Variants in PKP1 observed in about 807,000 individuals in gnomAD.
The protein encoded by PKP1 is plakophilin 1.
Under a neutral mutation model 76.4 loss-of-function variants are expected in PKP1, and 27 were observed. The observed-to-expected ratio is 0.35, with a 90% confidence interval of 0.26 to 0.49. PKP1 has a LOEUF of 0.49. Among genes scored for constraint, PKP1 ranks in the 20% least tolerant of loss-of-function variants. PKP1 has a pLI of 0.99. For missense variants in PKP1, 964 were observed against 955.2 expected (o/e 1.01, Z -0.12); for synonymous variants, 404 against 384.2 (o/e 1.05, Z -0.60).
chr1:201,322,985 AC>A (rs754383213), intron 8 of PKP1, 27 bp from the exon 9 acceptor site: 12 of 1,609,994 alleles, frequency 7.5e-6, no homozygotes, highest in Admixed American at 1.7e-5. Flanking sequence ...CTCCCCATTG[AC>A]CCCCCTGACC....
At chr1:201,329,335 A>T (rs561447593) in intron 13 of PKP1, among the ~76,000 whole-genome samples, 40 of 152,298 alleles carry the variant, frequency 2.6e-4, no homozygotes, top group African/African-American at 9.4e-4. Flanking sequence ...GGCCCCCAAA[A>T]CTCAGAACCA....
At chr1:201,318,588 C>T (rs1331085534) in intron 5 of PKP1, 30 bp from the exon 6 acceptor site, 2 of 1,609,624 alleles carry the variant, frequency 1.2e-6, no homozygotes, top group Non-Finnish European at 1.7e-6. Context: ...GAGCCTGGCA[C>T]AAATTGGGTT....
intron 5 of PKP1, 67 bp from the exon 6 acceptor site, chr1:201,318,551 C>A: frequency 7.0e-7 from 1 of 1,419,082 alleles, no homozygotes; most frequent in Admixed American, 1.7e-5. Flanking sequence ...CAGGCTGGGG[C>A]TGTTACCTCG....
chr1:201,323,250 C>T, intron 9 of PKP1, 61 bp downstream of exon 9: 1 of 1,503,802 alleles, frequency 6.6e-7, no homozygotes. Context: ...CGTCCAGCCT[C>T]TGCTCCCTCC....
chr1:201,329,696 G>T (rs913958661), intron 13 of PKP1, among the ~76,000 whole-genome samples: 1 of 152,154 alleles, frequency 6.6e-6, no homozygotes, highest in African/African-American at 2.4e-5. Flanking sequence ...TCCCTGGTGG[G>T]GAGAGAGGAC....
intron 2 of PKP1, among the ~76,000 whole-genome samples, chr1:201,300,088 AG>A (rs142486163): frequency 0.013 from 1,933 of 152,342 alleles, 14 homozygotes; most frequent in Non-Finnish European, 0.021. Context: ...GGGAGATAGG[AG>A]AGTCCTACAA....
At chr1:201,303,850 CAGG>C (rs1367693182) in intron 2 of PKP1, among the ~76,000 whole-genome samples, 1 of 152,150 alleles carries the variant, frequency 6.6e-6, no homozygotes, top group Non-Finnish European at 1.5e-5. Context: ...GCTAATGGCT[CAGG>C]ATAATTTTCC....
Position 201,306,890 on chromosome 1 carries a change from T to C in PKP1, c.307-6276T>C, listed in dbSNP as rs149293927. On this transcript the variant is annotated intron_variant, in intron 2 of 13. Transcript: ENST00000367324. ...GTAGAGATGGGGTTTCATCGTGGTC[T>C]CGATCTCCTGACCTCGTGATCCGCC... Among the ~76,000 whole-genome samples the C allele has an allele frequency of 3.3e-3, 506 of 152,256 alleles. 6 individuals carry two copies. The highest frequency in any genetic ancestry group is 0.012 in the African/African-American group (499 of 41,562).
chr1:201,317,720 G>A lies in PKP1; in HGVS notation c.995G>A (p.Arg332His), dbSNP rs781540602. The change falls in exon 5 of 14, where the codon CGC becomes CAC. Residue 332 changes from arginine (R) to histidine (H), a missense_variant. Coordinates refer to ENST00000367324, the MANE Select transcript of PKP1 (RefSeq NM_001005337.3). ...GAGACCCGGAGGCAGAATGGGATCC[G>A]CGAGGCAGTCAGCCTCCTGAGGAGA... ...KLETRRQNGI[R>H]EAVSLLRRTG... is the part of the protein sequence containing the mutation. 2.4e-5 allele frequency: 38 copies of A among 1,613,818 alleles called. No individual in the cohort carries two copies. The highest frequency in any genetic ancestry group is 1.7e-4 in the Admixed American group (10 of 59,994).
At chr1:201,317,879 A>G (rs1436633892) in intron 5 of PKP1, 100 bp downstream of exon 5, 1 of 1,157,118 alleles carries the variant, frequency 8.6e-7, no homozygotes, top group Non-Finnish European at 1.3e-6. Context: ...AGGCTGGGCC[A>G]AGACACAGCT....
intron 2 of PKP1, among the ~76,000 whole-genome samples, chr1:201,295,140 G>A (rs567460189): frequency 6.6e-6 from 1 of 152,236 alleles, no homozygotes; most frequent in Non-Finnish European, 1.5e-5. Flanking sequence ...AGACACAGAT[G>A]TCTCACAGAT....
chr1:201,325,960 G>T (rs1657115709), intron 12 of PKP1, 122 bp downstream of exon 12: 1 of 724,970 alleles, frequency 1.4e-6, no homozygotes, highest in Admixed American at 2.0e-5. Context: ...GACAGTCTGA[G>T]AGACAAAGAC....
chr1:201,307,396 C>T (rs960807111), intron 2 of PKP1, among the ~76,000 whole-genome samples: 8 of 152,236 alleles, frequency 5.3e-5, no homozygotes, highest in African/African-American at 1.9e-4. Flanking sequence ...ATCGACACTT[C>T]CCCTGCTGAA....
At chr1:201,286,706 G>A (rs997986572) in intron 1 of PKP1, among the ~76,000 whole-genome samples, 3 of 152,146 alleles carry the variant, frequency 2.0e-5, no homozygotes, top group Admixed American at 2.0e-4. Context: ...ATCTTGAACT[G>A]CCCCTGAAGT....
chr1:201,306,728 G>A (rs1442977686), intron 2 of PKP1, among the ~76,000 whole-genome samples: 1 of 151,912 alleles, frequency 6.6e-6, no homozygotes, highest in African/African-American at 2.4e-5. Context: ...AGGCTGGAGT[G>A]CAGTGGCGCA....
chr1:201,305,386 G>A lies in PKP1; in HGVS notation c.307-7780G>A, dbSNP rs149181855. Among the ~76,000 whole-genome samples, 808 of 152,274 alleles carry A rather than the reference G, an allele frequency of 5.3e-3. 7 individuals carry two copies. Among genetic ancestry groups the A allele is most frequent in the African/African-American group, 0.018 (747 of 41,562 alleles). The stretch of plus-strand genomic sequence containing the variant: ...TTAAAAATCAGCTGGGCATGGTGGT[G>A]TGCACCTGTGGTCCCATCTGCTTGA... On this transcript the variant is annotated intron_variant, in intron 2 of 13. Transcript: ENST00000367324.
intron 7 of PKP1, among the ~76,000 whole-genome samples, 176 bp from the exon 8 acceptor site, chr1:201,321,802 A>G (rs1402045777): frequency 1.3e-5 from 2 of 152,162 alleles, no homozygotes; most frequent in Admixed American, 1.3e-4. Context: ...ATTCAAACTC[A>G]GGTCCCAGAG....
chr1:201,323,144 G>A lies in PKP1; in HGVS notation c.1635G>A (p.Glu545=). 6.2e-7 allele frequency: 1 copy of A among 1,614,112 alleles called. No individual in the cohort carries two copies. ...MGKSKKDATL[E]ACAGALQNLT... is the part of the protein sequence containing the mutation. Reference sequence around the variant, plus strand: ...AGAGCAAGAAAGATGCTACCCTGGAGGCCTGTGCTGGTGCCCTGCAGAACC... The same window carrying A: ...AGAGCAAGAAAGATGCTACCCTGGAAGCCTGTGCTGGTGCCCTGCAGAACC... The change falls in exon 9 of 14, where the codon GAG becomes GAA. Residue 545 remains glutamate, a synonymous_variant. Coordinates refer to ENST00000367324, the MANE Select transcript of PKP1 (RefSeq NM_001005337.3).
intron 8 of PKP1, 107 bp downstream of exon 8, chr1:201,322,240 C>T: frequency 7.8e-7 from 1 of 1,275,786 alleles, no homozygotes; most frequent in South Asian, 1.3e-5. Flanking sequence ...TGAAGCCAGC[C>T]CTAAGGGACA....
Sources: gnomAD v4.1 joint callset for allele counts (sites outside exome capture counted in the v4.1 genomes callset) on GRCh38, gnomAD v4.1.1 for gene constraint, MANE v1.5 for transcripts, NCBI Gene and HGNC (gene_info 2026-07-23, HGNC 2026-07-21) for gene names.